The following SEPSECS variants were observed in gnomAD, a reference collection of about 807,000 sequenced individuals.
SEPSECS encodes the protein O-phosphoseryl-tRNA(Sec) selenium transferase.
SEPSECS carries 42 observed loss-of-function variants against 52.1 expected under a neutral mutation model. The observed-to-expected ratio is 0.81, with a 90% CI of 0.63 to 1.04. The LOEUF is 1.04. Ranked by LOEUF, SEPSECS falls within the 50% of genes least tolerant of loss-of-function variation. The probability of loss-of-function intolerance (pLI) is 0.00; values close to 1 mark genes in which losing one functional copy is unlikely to be tolerated. For missense variants in SEPSECS, 590 were observed against 610.6 expected (o/e 0.97, Z 0.36); for synonymous variants, 216 against 211.4 (o/e 1.02, Z -0.19).
chr4:25,136,979 T>C (rs1384448196), intron 8 of SEPSECS, among the ~76,000 whole-genome samples: 6 of 152,154 alleles, frequency 3.9e-5, no homozygotes, highest in African/African-American at 1.4e-4. Flanking sequence ...ATTCTCTATT[T>C]AATAAATGGT....
At chr4:25,137,593 T>C (rs139886290) in intron 8 of SEPSECS, among the ~76,000 whole-genome samples, 2 of 152,154 alleles carry the variant, frequency 1.3e-5, no homozygotes, top group East Asian at 1.9e-4. Flanking sequence ...TGCAGAGAAA[T>C]AGGAACACTT....
chr4:25,134,399 A>T (rs1728745267), intron 8 of SEPSECS, among the ~76,000 whole-genome samples: 2 of 151,800 alleles, frequency 1.3e-5, no homozygotes, highest in Non-Finnish European at 2.9e-5. Context: ...CACTTATTCT[A>T]TATAAAATAT....
chr4:25,140,433 T>C (rs1277629351), intron 8 of SEPSECS, among the ~76,000 whole-genome samples: 3 of 152,186 alleles, frequency 2.0e-5, no homozygotes, highest in African/African-American at 7.2e-5. Flanking sequence ...ATCTTCTATA[T>C]TTAAAAAGGC....
In SEPSECS at chr4:25,156,130, A is replaced by G; in HGVS notation, c.454T>C (p.Phe152Leu). The G allele has an allele frequency of 6.2e-7, 1 of 1,613,944 alleles. No homozygotes were observed. Among genetic ancestry groups the G allele is most frequent in the Non-Finnish European group, 8.5e-7 (1 of 1,179,850 alleles). ...GGTCTTTTGTGTCGTAATGTTAAGA[A>G]ACACAGAGTTAGACTCATACCAGTT... Reference protein sequence around the residue: ...MATGMSLTLCFLTLRHKRPKA... With the variant: ...MATGMSLTLCLLTLRHKRPKA... Residue 152 changes from phenylalanine to leucine, a missense_variant, in exon 4 of 11, where the codon TTC becomes CTC. Coordinates refer to ENST00000382103, the MANE Select transcript of SEPSECS (RefSeq NM_016955.4).
rs188338072 is a variant in SEPSECS at position 25,158,034 on chromosome 4, C to T, written c.269+919G>A. 2.0e-3 allele frequency among the ~76,000 whole-genome samples: 306 copies of T among 152,226 alleles called. No individual in the cohort carries two copies. The Middle Eastern group carries it at 0.02, about 10-fold the overall frequency. On this transcript the variant is annotated intron_variant, in intron 2 of 10. Coordinates refer to ENST00000382103, the MANE Select transcript of SEPSECS (RefSeq NM_016955.4). ...TCAATACTCTTTAAAATAAAAAACC[C>T]TTTCGTAATTTGAGTAATTTCTAAT...
At chr4:25,160,529 G>C (rs111926440), upstream of SEPSECS, 6 of 619,936 alleles carry the variant, frequency 9.7e-6, no homozygotes, top group Admixed American at 1.2e-4. Context: ...CTTCTCGTTC[G>C]TGCACATGCG....
intron 8 of SEPSECS, among the ~76,000 whole-genome samples, chr4:25,128,224 T>A (rs1457831816): frequency 6.6e-6 from 1 of 152,200 alleles, no homozygotes; most frequent in African/African-American, 2.4e-5. Context: ...AAGGACTTTG[T>A]CTTCTTCACC....
At chr4:25,124,318 T>C (rs1577598315) in intron 10 of SEPSECS, 93 bp from the exon 11 acceptor site, 2 of 1,218,344 alleles carry the variant, frequency 1.6e-6, no homozygotes, top group East Asian at 2.5e-5. Flanking sequence ...AAGCCTTACA[T>C]CCACTTATTA....
At chr4:25,127,193 T>G (rs988981563) in intron 9 of SEPSECS, 71 bp downstream of exon 9, 14 of 917,706 alleles carry the variant, frequency 1.5e-5, no homozygotes, top group Non-Finnish European at 2.1e-5. Context: ...TTTTCTCTCC[T>G]TCTAGAAGTA....
chr4:25,153,962 A>G (rs1419696052), intron 5 of SEPSECS, among the ~76,000 whole-genome samples: 1 of 152,132 alleles, frequency 6.6e-6, no homozygotes. Context: ...AAATAATCCA[A>G]CTAACACAAA....
At chr4:25,143,917 G>C (rs1711776905) in intron 8 of SEPSECS, among the ~76,000 whole-genome samples, 1 of 152,216 alleles carries the variant, frequency 6.6e-6, no homozygotes, top group Admixed American at 6.5e-5. Flanking sequence ...GCCTGCCCTA[G>C]CTATACAAGC....
At position 25,124,048 on chromosome 4, in the gene SEPSECS, T is replaced by C; in HGVS notation, c.1389A>G (p.Lys463=). Residue 463 remains lysine, a synonymous_variant, in exon 11 of 11, where the codon AAA becomes AAG. Transcript: ENST00000382103. ...TGTCATCACTCTCTTTACTTCGTTC[T>C]TTTCTTACTGCCTTTAAACACCTGT... The part of the protein sequence containing the change: ...RLDRCLKAVR[K]ERSKESDDNY... 4 of 1,613,868 alleles carry C rather than the reference T, an allele frequency of 2.5e-6. No individual in the cohort carries two copies. Among genetic ancestry groups the C allele is most frequent in the Non-Finnish European group, 3.4e-6 (4 of 1,179,776 alleles).
At position 25,158,825 on chromosome 4, in the gene SEPSECS, C is replaced by A. The variant is rs1297477902; in HGVS notation, c.269+128G>T. 24 of 900,296 alleles carry A rather than the reference C, an allele frequency of 2.7e-5. No homozygotes were observed. The East Asian group carries it at 5.1e-4, about 19-fold the overall frequency. The allele number at this position is 900,296 out of a possible 1,614,324, so 55.8% of individuals were successfully genotyped here. A position where few individuals can be genotyped will look rare whatever the true frequency, so the allele number is the denominator to read the frequency against. ...CCCTGTTGCATTTGGCTTACATATC[C>A]ATTAGAGCAGGGAAGAAGTGGTTTA... On this transcript the variant is annotated intron_variant, in intron 2 of 10. Coordinates refer to ENST00000382103, the MANE Select transcript of SEPSECS (RefSeq NM_016955.4).
chr4:25,130,633 A>G (rs73252522), intron 8 of SEPSECS, among the ~76,000 whole-genome samples: 14,270 of 152,300 alleles, frequency 0.094, 853 homozygotes, highest in South Asian at 0.2. Flanking sequence ...AAGGGTTATA[A>G]GTAAACCAAT....
At chr4:25,140,675 A>G (rs1483071846) in intron 8 of SEPSECS, among the ~76,000 whole-genome samples, 1 of 152,252 alleles carries the variant, frequency 6.6e-6, no homozygotes, top group Admixed American at 6.5e-5. Flanking sequence ...TCATATGTAT[A>G]TAAATGTATA....
chr4:25,127,148 G>C, intron 9 of SEPSECS, 116 bp downstream of exon 9: 5 of 690,138 alleles, frequency 7.2e-6, no homozygotes, highest in Non-Finnish European at 1.2e-5. Context: ...AAAATACTGT[G>C]ATGAATTTAT....
Position 25,160,373 on chromosome 4 carries a change from A to T in SEPSECS, c.-4T>A. ...CCGCGAAGCTCTCGCGGTTCATGAC[A>T]GCGGTGGCGACAGTGGCGAATAAGC... is the stretch of plus-strand genomic sequence containing the variant. On this transcript the variant is annotated 5_prime_UTR_variant, in exon 1 of 11. Coordinates refer to ENST00000382103, the MANE Select transcript of SEPSECS (RefSeq NM_016955.4). The T allele has an allele frequency of 3.2e-6, 5 of 1,544,610 alleles. No homozygotes were observed. The highest frequency in any genetic ancestry group is 4.4e-6 in the Non-Finnish European group (5 of 1,142,102).
At chr4:25,156,664 C>T (rs1280936599) in intron 3 of SEPSECS, among the ~76,000 whole-genome samples, 192 bp downstream of exon 3, 3 of 137,160 alleles carry the variant, frequency 2.2e-5, no homozygotes, top group African/African-American at 2.7e-5. Flanking sequence ...GCCGAGATCG[C>T]GCCACTGCAT....
Position 25,160,376 on chromosome 4 carries a change from G to T in SEPSECS, c.-7C>A, listed in dbSNP as rs1403719149. 6.5e-7 allele frequency: 1 copy of T among 1,543,822 alleles called. No individual in the cohort carries two copies. The highest frequency in any genetic ancestry group is 8.8e-7 in the Non-Finnish European group (1 of 1,141,528). ...CGAAGCTCTCGCGGTTCATGACAGC[G>T]GTGGCGACAGTGGCGAATAAGCGGG... On this transcript the variant is annotated 5_prime_UTR_variant, in exon 1 of 11. Coordinates refer to ENST00000382103, the MANE Select transcript of SEPSECS (RefSeq NM_016955.4).
Sources: gnomAD v4.1 joint callset for allele counts (sites outside exome capture counted in the v4.1 genomes callset) on GRCh38, gnomAD v4.1.1 for gene constraint, MANE v1.5 for transcripts, NCBI Gene and HGNC (gene_info 2026-07-23, HGNC 2026-07-21) for gene names.